The following SPAG16 variants were observed in gnomAD, a reference collection of about 807,000 sequenced individuals.
The protein encoded by SPAG16 is sperm-associated antigen 16 protein.
Under a neutral mutation model 80.4 loss-of-function variants are expected in SPAG16, and 86 were observed. The observed-to-expected ratio is 1.07, with a 90% CI of 0.90 to 1.28. SPAG16 has a LOEUF of 1.28. Among genes scored for constraint, SPAG16 ranks in the 50% most tolerant of loss-of-function variants. The pLI, the probability that SPAG16 is intolerant of heterozygous loss-of-function variation, is 0.00. For synonymous variants in SPAG16, 294 were observed against 265.9 expected (o/e 1.11, Z -1.03); for missense variants, 870 against 765.3 (o/e 1.14, Z -1.61).
At chr2:214,132,657 A>G (rs562744110) in intron 14 of SPAG16, among the ~76,000 whole-genome samples, 1 of 152,246 alleles carries the variant, frequency 6.6e-6, no homozygotes, top group Admixed American at 6.5e-5. Context: ...TGAGTATCCC[A>G]GTCAGTGGAA....
At chr2:213,877,057 C>T (rs140522975) in intron 11 of SPAG16, among the ~76,000 whole-genome samples, 38 of 152,276 alleles carry the variant, frequency 2.5e-4, no homozygotes, top group African/African-American at 8.2e-4. Context: ...AGATCTTGTA[C>T]ATCATAGAAG....
chr2:213,961,591 T>G (rs7597948), intron 12 of SPAG16, among the ~76,000 whole-genome samples: 60,184 of 149,486 alleles, frequency 0.4, 12,322 homozygotes, highest in South Asian at 0.5. Flanking sequence ...CCTAGTTTTT[T>G]TTTTTTTTTG....
chr2:213,877,385 C>T (rs2076180955), intron 11 of SPAG16, among the ~76,000 whole-genome samples: 1 of 152,060 alleles, frequency 6.6e-6, no homozygotes, highest in African/African-American at 2.4e-5. Flanking sequence ...TCTTGGCTCA[C>T]TACAGCCTCA....
chr2:213,964,734 A>G (rs1336767699), intron 12 of SPAG16, among the ~76,000 whole-genome samples: 1 of 152,194 alleles, frequency 6.6e-6, no homozygotes, highest in African/African-American at 2.4e-5. Flanking sequence ...ACCTAGATCA[A>G]TCAGAGTCAA....
At chr2:214,407,988 A>G (rs1290534905) in intron 15 of SPAG16, among the ~76,000 whole-genome samples, 1 of 144,236 alleles carries the variant, frequency 6.9e-6, no homozygotes, top group Non-Finnish European at 1.5e-5. Context: ...GAATTCAGGT[A>G]AACTTGAAAA....
chr2:213,976,107 G>GAT (rs1491193427), intron 12 of SPAG16, among the ~76,000 whole-genome samples: 3 of 86,318 alleles, frequency 3.5e-5, no homozygotes, highest in African/African-American at 1.6e-4. Flanking sequence ...GACAGTGAGG[G>GAT]AGATATATAT....
Position 213,980,000 on chromosome 2 carries a change from C to T in SPAG16, c.1401-33951C>T, listed in dbSNP as rs1575714223. On this transcript the variant is annotated intron_variant, in intron 12 of 15. Transcript: ENST00000331683. ...TTCCAGATTACTATGTTTTTGTTTG[C>T]AATAAACATGTATGGCATTGCCTAT... Among the ~76,000 whole-genome samples, 4 of 151,704 alleles carry T rather than the reference C, an allele frequency of 2.6e-5. No homozygotes were observed. In the South Asian group the frequency reaches 8.3e-4, roughly 32 times the overall value.
intron 14 of SPAG16, among the ~76,000 whole-genome samples, chr2:214,117,696 T>C (rs935327394): frequency 1.3e-5 from 2 of 152,164 alleles, no homozygotes; most frequent in African/African-American, 4.8e-5. Context: ...CAAGGATGAT[T>C]CAACATAGGC....
At chr2:213,432,750 A>G (rs902204665) in intron 9 of SPAG16, among the ~76,000 whole-genome samples, 13 of 152,182 alleles carry the variant, frequency 8.5e-5, no homozygotes, top group African/African-American at 2.2e-4. Context: ...AATTCATTCT[A>G]TTAGGCCAGT....
chr2:214,390,340 T>TAAA lies in SPAG16; in HGVS notation c.1721-19800_1721-19799insAAA, dbSNP rs1559265384. ...TAAATGAATGGGTATGCTTTTTTTT[T>TAAA]TAAAAAAAAAAAAAAAAAAGTCCTT... On this transcript the variant is annotated intron_variant, in intron 15 of 15. Coordinates refer to ENST00000331683, the MANE Select transcript of SPAG16 (RefSeq NM_024532.5). Among the ~76,000 whole-genome samples, 718 of 129,690 alleles carry TAAA rather than the reference T, an allele frequency of 5.5e-3. 7 individuals are homozygous for TAAA. Among genetic ancestry groups the TAAA allele is most frequent in the African/African-American group, 0.022 (670 of 30,736 alleles). 85.1% of individuals were successfully genotyped at this position (129,690 alleles called of 152,430 possible).
chr2:213,348,706 C>T (rs2065150294), intron 6 of SPAG16, among the ~76,000 whole-genome samples: 1 of 152,264 alleles, frequency 6.6e-6, no homozygotes, highest in South Asian at 2.1e-4. Flanking sequence ...AATATTGGCC[C>T]CCACTCTCTT....
intron 9 of SPAG16, 53 bp from the exon 10 acceptor site, chr2:213,489,910 G>A (rs1388631463): frequency 2.8e-6 from 4 of 1,450,958 alleles, no homozygotes; most frequent in Non-Finnish European, 2.8e-6. Context: ...GTATCAACCT[G>A]TGCAGTGATT....
At chr2:213,890,634 AT>A (rs1332916201) in intron 11 of SPAG16, among the ~76,000 whole-genome samples, 23 of 152,046 alleles carry the variant, frequency 1.5e-4, no homozygotes, top group Middle Eastern at 3.4e-3. Flanking sequence ...TTTCATTTAT[AT>A]TTGTTCAATT....
intron 3 of SPAG16, among the ~76,000 whole-genome samples, chr2:213,308,429 T>G (rs1478648552): frequency 6.6e-6 from 1 of 152,140 alleles, no homozygotes; most frequent in Non-Finnish European, 1.5e-5. Flanking sequence ...ATTTTGGATT[T>G]TTTTTCAGAT....
chr2:213,440,955 G>T (rs901103329), intron 9 of SPAG16, among the ~76,000 whole-genome samples: 1 of 152,194 alleles, frequency 6.6e-6, no homozygotes, highest in Non-Finnish European at 1.5e-5. Context: ...AGAAGGAAAA[G>T]TTAAGCCCCA....
chr2:213,327,217 A>G (rs939979096), intron 5 of SPAG16, among the ~76,000 whole-genome samples: 4 of 151,614 alleles, frequency 2.6e-5, no homozygotes, highest in Non-Finnish European at 4.4e-5. Flanking sequence ...GAAATATTAT[A>G]TAGTTTAAAA....
At chr2:213,643,983 G>A (rs367959032) in intron 10 of SPAG16, among the ~76,000 whole-genome samples, 1 of 150,658 alleles carries the variant, frequency 6.6e-6, no homozygotes, top group Non-Finnish European at 1.5e-5. Context: ...GTTTCACCAT[G>A]TTGGCCAGGC....
chr2:214,222,363 C>T (rs1188327191), intron 15 of SPAG16, among the ~76,000 whole-genome samples: 3 of 151,986 alleles, frequency 2.0e-5, no homozygotes, highest in Non-Finnish European at 2.9e-5. Flanking sequence ...GTGATCCACC[C>T]GCCTTGGCCT....
chr2:213,367,534 G>A (rs1196738751), intron 8 of SPAG16, among the ~76,000 whole-genome samples: 5 of 152,278 alleles, frequency 3.3e-5, no homozygotes, highest in Non-Finnish European at 5.9e-5. Flanking sequence ...TTCTCTGATG[G>A]CCAGTGTGAT....
Sources: allele counts gnomAD v4.1 joint callset (sites outside exome capture counted in the v4.1 genomes callset), GRCh38; gene constraint gnomAD v4.1.1; transcripts MANE v1.5; gene names NCBI Gene and HGNC (gene_info 2026-07-23, HGNC 2026-07-21).